Variants in APBA1 observed in about 807,000 individuals in gnomAD.
APBA1 encodes the protein amyloid beta precursor protein binding family A member 1, also known as amyloid-beta A4 precursor protein-binding family A member 1.
APBA1 carries 55 observed loss-of-function variants against 86.6 expected under a neutral mutation model. That is an observed-to-expected ratio of 0.64 (90% CI 0.51 to 0.80). The LOEUF is 0.80. APBA1 is among the 30% of genes least tolerant of loss of function. APBA1 has a pLI of 0.00. For missense variants in APBA1, 1,090 were observed against 1,183.0 expected (o/e 0.92, Z 1.15); for synonymous variants, 511 against 493.9 (o/e 1.03, Z -0.46).
chr9:69,579,508 A>C (rs116447734), intron 1 of APBA1, among the ~76,000 whole-genome samples: 1 of 152,180 alleles, frequency 6.6e-6, no homozygotes, highest in Non-Finnish European at 1.5e-5. Context: ...ATATTCATCT[A>C]TGTGAGAGTA....
chr9:69,475,234 G>A (rs918925080), intron 3 of APBA1, among the ~76,000 whole-genome samples: 3 of 152,178 alleles, frequency 2.0e-5, no homozygotes, highest in African/African-American at 7.2e-5. Context: ...TAAGCAAGGC[G>A]ACCACAGAAT....
chr9:69,631,277 T>C (rs1336540149), intron 1 of APBA1, among the ~76,000 whole-genome samples: 1 of 152,172 alleles, frequency 6.6e-6, no homozygotes, highest in East Asian at 1.9e-4. Context: ...AAAGAAGACA[T>C]TTATGCAGCC....
intron 3 of APBA1, 57 bp downstream of exon 3, chr9:69,475,991 C>T (rs1835438190): frequency 2.2e-6 from 3 of 1,378,538 alleles, no homozygotes; most frequent in South Asian, 2.3e-5. Context: ...AAGCACAGAA[C>T]AGTATTAGAG....
Position 69,437,245 on chromosome 9 carries a change from G to T in APBA1, c.2301+3751C>A, listed in dbSNP as rs867950273. On this transcript the variant is annotated intron_variant, in intron 11 of 12. Coordinates refer to ENST00000265381, the MANE Select transcript of APBA1 (RefSeq NM_001163.4). ...ATATTGGTCTAAAATTATCTTTTTT[G>T]GTTGTGTCTCTGCCCGGCTTTGGTA... Among the ~76,000 whole-genome samples, 66 of 151,500 alleles carry T rather than the reference G, an allele frequency of 4.4e-4. No homozygotes were observed. The South Asian group carries it at 0.01, about 23-fold the overall frequency.
rs535212585 is a variant in APBA1, at chr9:69,443,498, G to C, written c.2182-2383C>G. 1.2e-4 allele frequency among the ~76,000 whole-genome samples: 18 copies of C among 152,250 alleles called. 1 individual carries two copies. The highest frequency in any genetic ancestry group is 9.8e-4 in the Admixed American group (15 of 15,294). On this transcript the variant is annotated intron_variant, in intron 10 of 12. Transcript: ENST00000265381. ...CCCAGTCACTATACAGCTGACCCCT[G>C]TTCAGCCATCTGCATGTCTATGTCA...
chr9:69,485,585 CAT>C (rs1835595725), intron 2 of APBA1, among the ~76,000 whole-genome samples: 12 of 151,962 alleles, frequency 7.9e-5, no homozygotes, highest in Admixed American at 3.3e-4. Context: ...GCAAATGAGA[CAT>C]GTGCTTGTGA....
At chr9:69,464,996 C>A (rs1835252798) in intron 5 of APBA1, 2 of 152,244 alleles carry the variant, frequency 1.3e-5, no homozygotes, top group Admixed American at 1.3e-4. Flanking sequence ...AGTTTTCAAC[C>A]TCAGAAGTCT....
chr9:69,503,141 G>C lies in APBA1; in HGVS notation c.1200+12870C>G, dbSNP rs187200837. ...GAAATTGTGCACAAAATGTACAGAA[G>C]TGTTTGCCTTTCTCTGTGTTTCCAG... On this transcript the variant is annotated intron_variant, in intron 2 of 12. Coordinates refer to ENST00000265381, the MANE Select transcript of APBA1 (RefSeq NM_001163.4). 2.9e-3 allele frequency among the ~76,000 whole-genome samples: 440 copies of C among 152,218 alleles called. 5 individuals carry two copies. The highest frequency in any genetic ancestry group is 3.6e-3 in the Admixed American group (55 of 15,304).
intron 2 of APBA1, among the ~76,000 whole-genome samples, chr9:69,487,649 T>C (rs978472989): frequency 6.6e-6 from 1 of 151,988 alleles, no homozygotes; most frequent in Non-Finnish European, 1.5e-5. Context: ...ACGGGTTAGT[T>C]ATCGTGAGAG....
intron 1 of APBA1, among the ~76,000 whole-genome samples, chr9:69,659,142 C>T (rs1427872974): frequency 6.6e-5 from 10 of 152,172 alleles, no homozygotes; most frequent in Admixed American, 6.5e-4. Flanking sequence ...GCAAAGCACA[C>T]CAACTTATAC....
At chr9:69,482,256 G>T (rs1264590286) in intron 2 of APBA1, among the ~76,000 whole-genome samples, 1 of 133,988 alleles carries the variant, frequency 7.5e-6, no homozygotes, top group African/African-American at 2.8e-5. Flanking sequence ...AATCTACAAT[G>T]AACTCAAACA....
At chr9:69,435,551 A>G (rs995747126) in intron 11 of APBA1, among the ~76,000 whole-genome samples, 22 of 152,154 alleles carry the variant, frequency 1.4e-4, no homozygotes, top group Non-Finnish European at 2.8e-4. Context: ...GCCAGTGATG[A>G]TGAGCATTTT....
At chr9:69,650,101 T>C (rs1329124660) in intron 1 of APBA1, among the ~76,000 whole-genome samples, 1 of 152,196 alleles carries the variant, frequency 6.6e-6, no homozygotes, top group Non-Finnish European at 1.5e-5. Flanking sequence ...ATACTGGTTA[T>C]ATGTGCACAC....
chr9:69,628,460 A>T (rs976048958), intron 1 of APBA1, among the ~76,000 whole-genome samples: 5 of 152,236 alleles, frequency 3.3e-5, no homozygotes, highest in African/African-American at 4.8e-5. Flanking sequence ...TAAACTGCCC[A>T]TCCTTAAAGT....
chr9:69,628,487 A>G (rs1279678148), intron 1 of APBA1, among the ~76,000 whole-genome samples: 5 of 152,240 alleles, frequency 3.3e-5, no homozygotes, highest in Non-Finnish European at 5.9e-5. Context: ...GAGCCAGTCT[A>G]TGTCTGGCTG....
chr9:69,441,205 G>A lies in APBA1; in HGVS notation c.2182-90C>T, dbSNP rs565964355. On this transcript the variant is annotated intron_variant, in intron 10 of 12. Coordinates refer to ENST00000265381, the MANE Select transcript of APBA1 (RefSeq NM_001163.4). ...GGCAGCACCAAAGGCAAAAGAAGCT[G>A]CACTGAGTCTTCCGAAGGACCCACT... 2.7e-6 allele frequency: 4 copies of A among 1,475,524 alleles called. No homozygotes were observed. The African/African-American group carries it at 4.2e-5, about 16-fold the overall frequency. The allele number at this position is 1,475,524 out of a possible 1,614,324, so 91.4% of individuals were successfully genotyped here.
At chr9:69,583,615 T>TA (rs950963332) in intron 1 of APBA1, among the ~76,000 whole-genome samples, 5 of 152,372 alleles carry the variant, frequency 3.3e-5, no homozygotes, top group African/African-American at 1.2e-4. Flanking sequence ...GAATGGGATT[T>TA]AAAATGTTAA....
chr9:69,522,068 T>C (rs1422327606), intron 1 of APBA1, among the ~76,000 whole-genome samples: 2 of 149,442 alleles, frequency 1.3e-5, no homozygotes, highest in African/African-American at 4.9e-5. Context: ...CACCATTTTA[T>C]ACACACACAC....
In APBA1 at chr9:69,436,236, A is replaced by G. The variant is rs373405519; in HGVS notation, c.2302-3560T>C. Among the ~76,000 whole-genome samples the G allele has an allele frequency of 5.9e-4, 88 of 149,254 alleles. 1 individual carries two copies. The highest frequency in any genetic ancestry group is 2.0e-3 in the African/African-American group (83 of 40,726). ...GTGATGCCTCCAGCTTTGTTCTTTT[A>G]GCTTAGGATTGACTTGGCAATGTGG... On this transcript the variant is annotated intron_variant, in intron 11 of 12. Transcript: ENST00000265381.
Sources: gnomAD v4.1 joint callset for allele counts (sites outside exome capture counted in the v4.1 genomes callset) on GRCh38, gnomAD v4.1.1 for gene constraint, MANE v1.5 for transcripts, NCBI Gene and HGNC (gene_info 2026-07-23, HGNC 2026-07-21) for gene names.